Variants in AGBL4 observed in about 807,000 individuals in gnomAD.
AGBL4 encodes cytosolic carboxypeptidase 6.
Under a neutral mutation model 66.4 loss-of-function variants are expected in AGBL4, and 58 were observed. The ratio of observed to expected loss-of-function variants is 0.87; its 90% CI spans 0.71 to 1.09. The LOEUF (loss-of-function observed/expected upper bound fraction) is 1.09, where lower values mean the gene tolerates loss of function less well. Ranked by LOEUF, AGBL4 falls within the 50% of genes least tolerant of loss-of-function variation. The pLI is 0.00. For synonymous variants in AGBL4, 234 were observed against 222.9 expected (o/e 1.05, Z -0.44); for missense variants, 579 against 631.0 (o/e 0.92, Z 0.88).
intron 5 of AGBL4, among the ~76,000 whole-genome samples, chr1:49,030,612 A>G (rs748918704): frequency 6.6e-6 from 1 of 152,000 alleles, no homozygotes; most frequent in Non-Finnish European, 1.5e-5. Context: ...AAAGGAAGGG[A>G]TCTAGGTTGT....
chr1:49,817,778 C>T (rs552334011), intron 2 of AGBL4, among the ~76,000 whole-genome samples: 11 of 152,270 alleles, frequency 7.2e-5, no homozygotes, highest in African/African-American at 2.6e-4. Flanking sequence ...GCTGATCCAG[C>T]AAGAAAGAAA....
At chr1:49,361,108 A>G (rs1242103519) in intron 3 of AGBL4, among the ~76,000 whole-genome samples, 1 of 152,112 alleles carries the variant, frequency 6.6e-6, no homozygotes, top group Non-Finnish European at 1.5e-5. Flanking sequence ...ATTCAAATAC[A>G]CTGTGTATTT....
At chr1:48,663,288 T>C (rs756731612) in intron 6 of AGBL4, 47 bp from the exon 7 acceptor site, 4 of 1,592,082 alleles carry the variant, frequency 2.5e-6, no homozygotes, top group Non-Finnish European at 3.4e-6. Flanking sequence ...CAAGAAAAGC[T>C]GAGTCTAGTG....
At chr1:48,659,469 T>C (rs1334615346) in intron 7 of AGBL4, among the ~76,000 whole-genome samples, 2 of 152,148 alleles carry the variant, frequency 1.3e-5, no homozygotes, top group Non-Finnish European at 2.9e-5. Context: ...AATTCAATGA[T>C]AAAGGGTCTG....
At chr1:49,788,134 G>A (rs1045327602) in intron 2 of AGBL4, among the ~76,000 whole-genome samples, 10 of 152,074 alleles carry the variant, frequency 6.6e-5, no homozygotes, top group African/African-American at 2.4e-4. Context: ...ACACACAAAG[G>A]ACTTTTCTTG....
intron 1 of AGBL4, among the ~76,000 whole-genome samples, chr1:49,944,024 C>T (rs1654999535): frequency 6.6e-6 from 1 of 151,958 alleles, no homozygotes; most frequent in Admixed American, 6.6e-5. Context: ...ACACCCCCAT[C>T]CCCCACAGCA....
chr1:49,687,712 T>G (rs948388074), intron 3 of AGBL4, among the ~76,000 whole-genome samples: 1 of 151,880 alleles, frequency 6.6e-6, no homozygotes, highest in South Asian at 2.1e-4. Flanking sequence ...GAGGCAGAGG[T>G]TGCAGTGAGC....
intron 4 of AGBL4, among the ~76,000 whole-genome samples, chr1:49,067,328 A>G (rs1482597074): frequency 6.6e-6 from 1 of 152,202 alleles, no homozygotes; most frequent in Non-Finnish European, 1.5e-5. Flanking sequence ...ATCTTTTCAC[A>G]CACTTGCTTA....
At chr1:49,721,730 T>G (rs1322527900) in intron 2 of AGBL4, among the ~76,000 whole-genome samples, 1 of 152,126 alleles carries the variant, frequency 6.6e-6, no homozygotes, top group Non-Finnish European at 1.5e-5. Flanking sequence ...TGATGGAGAC[T>G]CACATGAAGC....
chr1:49,320,666 C>G (rs1388106014), intron 3 of AGBL4, among the ~76,000 whole-genome samples: 2 of 152,162 alleles, frequency 1.3e-5, no homozygotes, highest in Admixed American at 1.3e-4. Flanking sequence ...CCCCTCACCA[C>G]TATCACCCCA....
At chr1:49,943,476 T>TA (rs1191046802) in intron 1 of AGBL4, among the ~76,000 whole-genome samples, 4 of 151,938 alleles carry the variant, frequency 2.6e-5, no homozygotes, top group African/African-American at 9.7e-5. Flanking sequence ...TGTAAACGTG[T>TA]AAAAGGGGGA....
intron 4 of AGBL4, among the ~76,000 whole-genome samples, chr1:49,156,453 G>A (rs1646431870): frequency 6.6e-6 from 1 of 152,154 alleles, no homozygotes; most frequent in African/African-American, 2.4e-5. Context: ...AGGAATCTGG[G>A]AGTAAATTAG....
intron 4 of AGBL4, among the ~76,000 whole-genome samples, chr1:49,198,134 C>T (rs1647380718): frequency 6.6e-6 from 1 of 151,966 alleles, no homozygotes; most frequent in Admixed American, 6.6e-5. Flanking sequence ...CTTAGTTGCC[C>T]AGTGGAAAGG....
chr1:48,903,517 G>T (rs1053427444), intron 5 of AGBL4, among the ~76,000 whole-genome samples: 1 of 152,206 alleles, frequency 6.6e-6, no homozygotes, highest in African/African-American at 2.4e-5. Flanking sequence ...TCAGCTCAAT[G>T]GGAGACTCTT....
intron 6 of AGBL4, among the ~76,000 whole-genome samples, chr1:48,776,318 CAAAG>C (rs963778547): frequency 1.3e-5 from 2 of 152,180 alleles, no homozygotes; most frequent in Non-Finnish European, 2.9e-5. Context: ...GAAGAAAACA[CAAAG>C]AATCAGAAAG....
chr1:49,656,743 C>T (rs1007600304), intron 3 of AGBL4, among the ~76,000 whole-genome samples: 14 of 152,100 alleles, frequency 9.2e-5, no homozygotes, highest in Admixed American at 6.6e-4. Flanking sequence ...TAAACAGAAC[C>T]AAAGACAAAA....
At chr1:49,279,658 G>A (rs1172181034) in intron 3 of AGBL4, among the ~76,000 whole-genome samples, 2 of 151,750 alleles carry the variant, frequency 1.3e-5, no homozygotes, top group East Asian at 3.9e-4. Flanking sequence ...CTAAAATGAA[G>A]ATAAATGACT....
intron 1 of AGBL4, among the ~76,000 whole-genome samples, chr1:50,016,926 C>T (rs1457229860): frequency 1.3e-5 from 2 of 152,072 alleles, no homozygotes; most frequent in African/African-American, 4.8e-5. Context: ...TCTAGCAATC[C>T]CACTACTGAG....
At chr1:49,395,307 T>C (rs1390323135) in intron 3 of AGBL4, among the ~76,000 whole-genome samples, 1 of 152,128 alleles carries the variant, frequency 6.6e-6, no homozygotes, top group African/African-American at 2.4e-5. Flanking sequence ...GGTACAAGTA[T>C]CAACTTGAAG....
Sources: allele counts gnomAD v4.1 joint callset (sites outside exome capture counted in the v4.1 genomes callset), GRCh38; gene constraint gnomAD v4.1.1; transcripts MANE v1.5; gene names NCBI Gene and HGNC (gene_info 2026-07-23, HGNC 2026-07-21).